The following PTCHD4 variants were observed in gnomAD, a reference collection of about 807,000 sequenced individuals.
PTCHD4 encodes the protein patched domain containing 4.
PTCHD4 carries 33 observed loss-of-function variants against 58.1 expected under a neutral mutation model. The observed-to-expected ratio is 0.57, with a 90% confidence interval of 0.43 to 0.76. The LOEUF (loss-of-function observed/expected upper bound fraction) is 0.76. PTCHD4 is among the 30% of genes least tolerant of loss of function. PTCHD4 has a pLI of 0.00. For missense variants in PTCHD4, 1,058 were observed against 1,027.1 expected (o/e 1.03, Z -0.41); for synonymous variants, 478 against 409.6 (o/e 1.17, Z -2.02).
chr6:47,908,950 G>T (rs78808931), intron 4 of PTCHD4, among the ~76,000 whole-genome samples: 6 of 151,970 alleles, frequency 3.9e-5, no homozygotes, highest in Non-Finnish European at 7.4e-5. Flanking sequence ...AAGACACAAC[G>T]CTTTGCTCAT....
At chr6:48,052,522 A>T (rs181914905) in intron 3 of PTCHD4, among the ~76,000 whole-genome samples, 394 of 152,148 alleles carry the variant, frequency 2.6e-3, no homozygotes, top group Non-Finnish European at 4.6e-3. Context: ...CGTAGATGAG[A>T]CAACCCTCCA....
intron 4 of PTCHD4, among the ~76,000 whole-genome samples, chr6:47,997,259 T>A (rs1390854298): frequency 6.6e-6 from 1 of 151,956 alleles, no homozygotes; most frequent in Admixed American, 6.6e-5. Context: ...TTTCTTTTTT[T>A]TTGTGCTAAA....
intron 4 of PTCHD4, among the ~76,000 whole-genome samples, chr6:47,906,009 G>A (rs767317319): frequency 1.8e-4 from 27 of 152,200 alleles, no homozygotes; most frequent in African/African-American, 1.4e-4. Flanking sequence ...CCTTCTATCT[G>A]TCAATCTGTG....
intron 4 of PTCHD4, chr6:47,900,595 T>C (rs2114145191): frequency 6.6e-6 from 1 of 152,368 alleles, no homozygotes; most frequent in African/African-American, 2.4e-5. Flanking sequence ...TGGTATTCAT[T>C]GAAGTACAAC....
chr6:47,946,829 C>A (rs1429785644), intron 4 of PTCHD4, among the ~76,000 whole-genome samples: 1 of 151,728 alleles, frequency 6.6e-6, no homozygotes, highest in African/African-American at 2.4e-5. Context: ...TGCACAATTT[C>A]TATTCTATTT....
At chr6:48,072,692 G>C (rs1764996936) in intron 1 of PTCHD4, among the ~76,000 whole-genome samples, 1 of 152,054 alleles carries the variant, frequency 6.6e-6, no homozygotes, top group South Asian at 2.1e-4. Context: ...TGTGTGTGTT[G>C]TGTATCTGTA....
intron 1 of PTCHD4, among the ~76,000 whole-genome samples, chr6:48,104,967 C>A (rs952482430): frequency 6.6e-6 from 1 of 152,064 alleles, no homozygotes; most frequent in Non-Finnish European, 1.5e-5. Flanking sequence ...CCTTACAGAC[C>A]AACAAAGAGA....
intron 3 of PTCHD4, among the ~76,000 whole-genome samples, chr6:48,049,308 G>A (rs1322959395): frequency 1.5e-5 from 2 of 137,590 alleles, no homozygotes; most frequent in African/African-American, 5.5e-5. Context: ...CCAAGGTCAA[G>A]AAACCCTGAC....
intron 1 of PTCHD4, among the ~76,000 whole-genome samples, chr6:48,098,045 G>A (rs932482082): frequency 6.6e-6 from 1 of 152,132 alleles, no homozygotes; most frequent in Non-Finnish European, 1.5e-5. Context: ...CACGGCCTCA[G>A]TAAGAAGGGC....
At chr6:47,912,255 A>C (rs1429137709) in intron 4 of PTCHD4, among the ~76,000 whole-genome samples, 3 of 152,072 alleles carry the variant, frequency 2.0e-5, no homozygotes, top group Non-Finnish European at 4.4e-5. Flanking sequence ...GATCTAGAAA[A>C]GGAAGAAATT....
chr6:47,901,083 G>A (rs1163646714), intron 4 of PTCHD4: 1 of 150,822 alleles, frequency 6.6e-6, no homozygotes, highest in African/African-American at 2.4e-5. Flanking sequence ...GAACCTGGGA[G>A]GCGGAGCTTG....
At chr6:48,043,516 T>G (rs1763921447) in intron 3 of PTCHD4, among the ~76,000 whole-genome samples, 1 of 151,916 alleles carries the variant, frequency 6.6e-6, no homozygotes, top group South Asian at 2.1e-4. Context: ...AGTTTTACCT[T>G]AAGTACATTT....
At chr6:47,888,357 C>CAA (rs199836165) in intron 4 of PTCHD4, among the ~76,000 whole-genome samples, 12 of 149,874 alleles carry the variant, frequency 8.0e-5, no homozygotes, top group African/African-American at 2.7e-4. Context: ...ACTCAGTCCC[C>CAA]AAAAAAAAGA....
intron 3 of PTCHD4, among the ~76,000 whole-genome samples, chr6:48,034,971 C>T (rs2753203): frequency 0.58 from 88,637 of 151,910 alleles, 26,012 homozygotes; most frequent in East Asian, 0.73. Flanking sequence ...TTCACCCTTC[C>T]GAAGAAGGGG....
chr6:48,027,967 A>C (rs1269983257), intron 3 of PTCHD4, among the ~76,000 whole-genome samples: 1 of 152,050 alleles, frequency 6.6e-6, no homozygotes, highest in African/African-American at 2.4e-5. Context: ...GTTTTGAGAC[A>C]GTCTCGCTCT....
chr6:47,982,658 T>G lies in PTCHD4; in HGVS notation c.898+25976A>C, dbSNP rs542056456. Among the ~76,000 whole-genome samples the G allele has an allele frequency of 3.5e-4, 53 of 152,174 alleles. 1 individual carries two copies. In the East Asian group the frequency reaches 6.2e-3, roughly 18 times the overall value. On this transcript the variant is annotated intron_variant, in intron 4 of 4. Transcript: ENST00000339488. ...CGCCCGCCACCAGGCCGGCTAATTTTTTGTATTTTCAGTAGAGACGGGGTT... is the reference window on the plus strand; with the variant it reads ...CGCCCGCCACCAGGCCGGCTAATTTGTTGTATTTTCAGTAGAGACGGGGTT...
At chr6:48,026,837 A>G (rs947367641) in intron 3 of PTCHD4, among the ~76,000 whole-genome samples, 2 of 152,154 alleles carry the variant, frequency 1.3e-5, no homozygotes, top group African/African-American at 4.8e-5. Context: ...ATTGGGGCAG[A>G]CGAAAATATT....
At chr6:47,931,435 C>T (rs548060461) in intron 4 of PTCHD4, among the ~76,000 whole-genome samples, 18 of 152,206 alleles carry the variant, frequency 1.2e-4, no homozygotes, top group South Asian at 4.1e-4. Flanking sequence ...GCATTGTGAA[C>T]GCACATCAAA....
intron 1 of PTCHD4, among the ~76,000 whole-genome samples, chr6:48,101,003 G>T (rs1208483708): frequency 6.6e-6 from 1 of 151,332 alleles, no homozygotes; most frequent in South Asian, 2.1e-4. Flanking sequence ...TAAATATGGA[G>T]GTATAAATTT....
Sources: gnomAD v4.1 joint callset for allele counts (sites outside exome capture counted in the v4.1 genomes callset) on GRCh38, gnomAD v4.1.1 for gene constraint, MANE v1.5 for transcripts, NCBI Gene and HGNC (gene_info 2026-07-23, HGNC 2026-07-21) for gene names.